NINL: variants seen among roughly 807,000 people sequenced by gnomAD.
NINL encodes ninein-like protein.
NINL carries 153 observed loss-of-function variants against 160.3 expected under a neutral mutation model. The observed-to-expected ratio is 0.95, with a 90% confidence interval of 0.84 to 1.09. The LOEUF (loss-of-function observed/expected upper bound fraction) is 1.09. Ranked by LOEUF, NINL falls within the 50% of genes least tolerant of loss-of-function variation. NINL has a pLI of 0.00. For synonymous variants in NINL, 800 were observed against 734.8 expected (o/e 1.09, Z -1.43); for missense variants, 1,829 against 1,764.0 (o/e 1.04, Z -0.66).
At chr20:25,489,084 G>A (rs899519548) in intron 13 of NINL, 160 bp downstream of exon 13, 3 of 699,766 alleles carry the variant, frequency 4.3e-6, no homozygotes, top group African/African-American at 3.5e-5. Context: ...ACGAGAGCCA[G>A]GGAACCCTAA....
chr20:25,545,988 A>T (rs375599928), intron 1 of NINL, among the ~76,000 whole-genome samples: 28 of 147,454 alleles, frequency 1.9e-4, no homozygotes, highest in African/African-American at 4.7e-4. Flanking sequence ...TTTTGTTTTT[A>T]TTTTTTTTTT....
Position 25,545,577 on chromosome 20 carries a change from C to T in NINL, c.-11-18979G>A, listed in dbSNP as rs144784093. Among the ~76,000 whole-genome samples the T allele has an allele frequency of 9.2e-5, 14 of 152,180 alleles. No homozygotes were observed. The East Asian group carries it at 2.7e-3, about 30-fold the overall frequency. ...CATGACAGGATGGGGGGTTGGACTG[C>T]CCCATTATGCCCTCCTCCCTTTAGA... On this transcript the variant is annotated intron_variant, in intron 1 of 23. Transcript: ENST00000278886.
intron 2 of NINL, among the ~76,000 whole-genome samples, chr20:25,521,275 T>C (rs1297734187): frequency 1.3e-5 from 2 of 152,232 alleles, no homozygotes; most frequent in Non-Finnish European, 2.9e-5. Flanking sequence ...GTTCTAGACA[T>C]TTTATTTGGT....
At chr20:25,485,915 CT>C (rs1365005388) in intron 13 of NINL, among the ~76,000 whole-genome samples, 1 of 152,156 alleles carries the variant, frequency 6.6e-6, no homozygotes, top group Non-Finnish European at 1.5e-5. Context: ...CTTTCTTTGT[CT>C]TTTATGACAT....
intron 1 of NINL, among the ~76,000 whole-genome samples, chr20:25,553,951 A>G (rs1600332256): frequency 6.6e-6 from 1 of 152,272 alleles, no homozygotes; most frequent in African/African-American, 2.4e-5. Context: ...GTCCCTGGAC[A>G]GCAGCCAACA....
intron 1 of NINL, among the ~76,000 whole-genome samples, chr20:25,558,314 T>C (rs1295942435): frequency 6.6e-6 from 1 of 152,148 alleles, no homozygotes; most frequent in Non-Finnish European, 1.5e-5. Context: ...TTCAAGCGAT[T>C]CTCCTGCCTC....
chr20:25,498,191 GT>G lies in NINL; in HGVS notation c.1169+18del. Reference sequence around the variant, plus strand: ...GCCAGCCACACTGCCACGTTCCCCAGTCCCCTGTGGCCTCTTACTGCTGGTA... The same window carrying G: ...GCCAGCCACACTGCCACGTTCCCCAGCCCCTGTGGCCTCTTACTGCTGGTA... On this transcript the variant is annotated intron_variant, in intron 9 of 23. Transcript: ENST00000278886. The G allele has an allele frequency of 6.2e-7, 1 of 1,611,480 alleles. No homozygotes were observed. Among genetic ancestry groups the G allele is most frequent in the Non-Finnish European group, 8.5e-7 (1 of 1,179,802 alleles).
At chr20:25,512,790 T>C (rs1019423257) in intron 4 of NINL, 44 bp downstream of exon 4, 7 of 1,551,958 alleles carry the variant, frequency 4.5e-6, no homozygotes, top group Non-Finnish European at 6.1e-6. Context: ...GCATTTGTTA[T>C]TCCCAACACT....
intron 5 of NINL, chr20:25,509,533 C>A (rs1329211168): frequency 5.1e-6 from 2 of 391,334 alleles, no homozygotes; most frequent in East Asian, 7.2e-5. Flanking sequence ...CACTCCTGAG[C>A]CCCAAGCTGC....
intron 18 of NINL, among the ~76,000 whole-genome samples, 198 bp from the exon 19 acceptor site, chr20:25,467,656 G>C (rs2062950691): frequency 6.6e-6 from 1 of 152,110 alleles, no homozygotes; most frequent in South Asian, 2.1e-4. Context: ...CGTCTTCCAT[G>C]GTTTATCCCA....
intron 9 of NINL, among the ~76,000 whole-genome samples, chr20:25,497,370 C>G (rs1352253099): frequency 6.6e-6 from 1 of 152,234 alleles, no homozygotes; most frequent in Non-Finnish European, 1.5e-5. Flanking sequence ...ACTGTTTCCC[C>G]ACGAAAGGAG....
At chr20:25,493,710 G>A (rs1310109950) in intron 10 of NINL, among the ~76,000 whole-genome samples, 1 of 152,090 alleles carries the variant, frequency 6.6e-6, no homozygotes, top group Non-Finnish European at 1.5e-5. Context: ...CTACAAGGCT[G>A]GCCCAGAATA....
intron 3 of NINL, among the ~76,000 whole-genome samples, chr20:25,514,053 C>T (rs985337765): frequency 2.1e-4 from 32 of 152,156 alleles, no homozygotes; most frequent in Admixed American, 5.2e-4. Context: ...GAAGTTGGGA[C>T]GGTTTAGAGG....
chr20:25,496,241 C>T (rs1456928952), intron 10 of NINL, among the ~76,000 whole-genome samples: 1 of 152,230 alleles, frequency 6.6e-6, no homozygotes, highest in East Asian at 1.9e-4. Flanking sequence ...GGGGTCACTA[C>T]AGCTGTGATA....
intron 19 of NINL, among the ~76,000 whole-genome samples, chr20:25,465,962 T>G (rs182742481): frequency 2.6e-5 from 4 of 152,278 alleles, no homozygotes; most frequent in Admixed American, 2.6e-4. Context: ...TGCACTTCCT[T>G]TTAAGAGATG....
In NINL at chr20:25,511,205, C is replaced by T. The variant is rs188691519; in HGVS notation, c.451-465G>A. ...TTGCAACACGCCTCTCTGCACCTTT[C>T]CCTCACCAACCATATCAGTTCAGCA... On this transcript the variant is annotated intron_variant, in intron 4 of 23. Transcript: ENST00000278886. 2.5e-3 allele frequency among the ~76,000 whole-genome samples: 382 copies of T among 152,278 alleles called. 3 individuals carry two copies. The highest frequency in any genetic ancestry group is 8.8e-3 in the African/African-American group (364 of 41,544).
intron 6 of NINL, 22 bp from the exon 7 acceptor site, chr20:25,504,126 T>A: frequency 6.5e-7 from 1 of 1,545,638 alleles, no homozygotes; most frequent in Non-Finnish European, 8.7e-7. Context: ...CCGTCATATC[T>A]CAGGCCCACC....
At chr20:25,465,093 G>A (rs1333695630) in intron 19 of NINL, among the ~76,000 whole-genome samples, 2 of 152,196 alleles carry the variant, frequency 1.3e-5, no homozygotes, top group Non-Finnish European at 2.9e-5. Flanking sequence ...GTCAAAATAT[G>A]TTCACTCTGC....
chr20:25,524,490 G>A (rs1405829038), intron 2 of NINL, among the ~76,000 whole-genome samples: 2 of 152,162 alleles, frequency 1.3e-5, no homozygotes, highest in East Asian at 1.9e-4. Context: ...AAAGGGCCCG[G>A]CTCCTGCCAC....
Sources: gnomAD v4.1 joint callset for allele counts (sites outside exome capture counted in the v4.1 genomes callset) on GRCh38, gnomAD v4.1.1 for gene constraint, MANE v1.5 for transcripts, NCBI Gene and HGNC (gene_info 2026-07-23, HGNC 2026-07-21) for gene names.